Variants in AVEN observed in about 807,000 individuals in gnomAD.
The protein encoded by AVEN is cell death regulator Aven.
In AVEN, 41 loss-of-function variants were observed where a neutral mutation model predicts 38.1. The ratio of observed to expected loss-of-function variants is 1.08; its 90% CI spans 0.84 to 1.40. AVEN has a LOEUF of 1.40. Ranked by LOEUF, AVEN falls within the 40% of genes most tolerant of loss-of-function variation. The pLI is 0.00. For missense variants in AVEN, 605 were observed against 438.8 expected, an observed-to-expected ratio of 1.38 and a Z score of -3.38; for synonymous variants, 206 against 171.8, an observed-to-expected ratio of 1.20 and a Z score of -1.56.
chr15:34,074,595 C>T (rs574211663), exon 1 of AVEN, among the ~76,000 whole-genome samples: 3 of 152,230 alleles, frequency 2.0e-5, no homozygotes, highest in Admixed American at 6.5e-5. Context: ...CCCTGTGTCT[C>T]CTCATATCAT....
chr15:34,074,814 T>C (rs530896771), exon 1 of AVEN, among the ~76,000 whole-genome samples: 1 of 152,264 alleles, frequency 6.6e-6, no homozygotes, highest in South Asian at 2.1e-4. Flanking sequence ...TCCATAATAA[T>C]AACCAAGCAA....
upstream of AVEN, among the ~76,000 whole-genome samples, chr15:34,044,080 G>A (rs368790734): frequency 5.5e-5 from 8 of 144,812 alleles, no homozygotes; most frequent in African/African-American, 1.3e-4. Context: ...CTGTATTTTC[G>A]CCCTTTAAAA....
At chr15:33,955,745 C>T (rs1894929499) in intron 2 of AVEN, among the ~76,000 whole-genome samples, 1 of 152,144 alleles carries the variant, frequency 6.6e-6, no homozygotes, top group East Asian at 1.9e-4. Context: ...AATCTCTCTC[C>T]GAATCAGTTA....
chr15:34,066,036 C>T (rs1390705564), exon 4 of AVEN: 3 of 152,380 alleles, frequency 2.0e-5, no homozygotes, highest in Admixed American at 6.5e-5. Context: ...GGATGTCCCA[C>T]GGAGGCTTCA....
intron 2 of AVEN, among the ~76,000 whole-genome samples, chr15:33,981,229 A>G (rs1344920708): frequency 1.3e-5 from 2 of 152,208 alleles, no homozygotes; most frequent in African/African-American, 4.8e-5. Flanking sequence ...GAAGCGGATG[A>G]ATTTCATTTC....
At position 34,039,034 on chromosome 15, in the gene AVEN, G is replaced by T; in HGVS notation, c.13C>A (p.Arg5=). ...CGCCCACGGCCTCCCCGAGCTCCTC[G>T]CTCCGCCTGCATCTGGCCGCCGCTG... MQAE[R]GARGGRGRRP... Residue 5 remains arginine, a synonymous_variant, in exon 1 of 6, where the codon CGA becomes AGA. Transcript: ENST00000306730. 1 of 1,117,094 alleles carries T rather than the reference G, an allele frequency of 9.0e-7. No individual in the cohort carries two copies. Among genetic ancestry groups the T allele is most frequent in the South Asian group, 3.9e-5 (1 of 25,658 alleles). The allele number at this position is 1,117,094 out of a possible 1,614,324, so 69.2% of individuals were successfully genotyped here.
intron 4 of AVEN, chr15:34,064,414 A>T (rs1567495295): frequency 1.4e-6 from 2 of 1,389,146 alleles, no homozygotes; most frequent in Non-Finnish European, 1.9e-6. Flanking sequence ...AAAAGAAGAC[A>T]TCTCATTTTG....
At chr15:34,045,856 T>C (rs1160601470) in intron 5 of AVEN, among the ~76,000 whole-genome samples, 1 of 152,208 alleles carries the variant, frequency 6.6e-6, no homozygotes, top group Non-Finnish European at 1.5e-5. Flanking sequence ...TGTAATGTAT[T>C]GACAGCAGAG....
intron 2 of AVEN, among the ~76,000 whole-genome samples, chr15:34,000,292 G>A (rs756892267): frequency 6.6e-5 from 10 of 152,174 alleles, no homozygotes; most frequent in Non-Finnish European, 1.5e-4. Context: ...TGAGACAGGT[G>A]TCTATATCTG....
At chr15:33,856,360 G>C (rs952223863), downstream of AVEN, 2 of 152,202 alleles carry the variant, frequency 1.3e-5, no homozygotes, top group African/African-American at 4.8e-5. Flanking sequence ...TGATCCTGTT[G>C]ATCTTCCTAT....
chr15:33,978,468 A>ATG (rs1895990768), intron 2 of AVEN, among the ~76,000 whole-genome samples: 1 of 152,196 alleles, frequency 6.6e-6, no homozygotes, highest in Admixed American at 6.5e-5. Flanking sequence ...GTTCAAAACC[A>ATG]GCCTGATCAA....
intron 5 of AVEN, among the ~76,000 whole-genome samples, chr15:34,053,627 T>C (rs1423774684): frequency 1.3e-5 from 2 of 152,042 alleles, no homozygotes; most frequent in Non-Finnish European, 2.9e-5. Flanking sequence ...GCTAGCTATA[T>C]GCAGAAAATT....
At chr15:33,993,394 C>A (rs1896807903) in intron 2 of AVEN, among the ~76,000 whole-genome samples, 1 of 152,170 alleles carries the variant, frequency 6.6e-6, no homozygotes, top group South Asian at 2.1e-4. Context: ...CAACCGTCCC[C>A]TTTCCCATAT....
intron 2 of AVEN, among the ~76,000 whole-genome samples, chr15:33,889,585 T>C (rs898744020): frequency 5.2e-4 from 18 of 34,514 alleles, no homozygotes; most frequent in African/African-American, 1.8e-3. Flanking sequence ...ACATGAAATA[T>C]GTTTCTGCAC....
downstream of AVEN, chr15:33,865,075 G>A (rs993921315): frequency 3.6e-6 from 5 of 1,397,070 alleles, no homozygotes; most frequent in African/African-American, 7.1e-5. Context: ...AAACAAACTG[G>A]GTTTTAGCTT....
chr15:33,931,349 C>CTTT (rs71119903), intron 2 of AVEN, among the ~76,000 whole-genome samples: 1 of 89,274 alleles, frequency 1.1e-5, no homozygotes, highest in Non-Finnish European at 2.0e-5. Flanking sequence ...TGAATATTTT[C>CTTT]TTTTTTTTTT....
At chr15:34,025,772 T>TG (rs1898437372) in intron 1 of AVEN, among the ~76,000 whole-genome samples, 1 of 151,732 alleles carries the variant, frequency 6.6e-6, no homozygotes, top group African/African-American at 2.4e-5. Flanking sequence ...GTGTGTGTGT[T>TG]TGTGTGTGTG....
chr15:33,907,760 C>T (rs1428205286), intron 2 of AVEN, among the ~76,000 whole-genome samples: 1 of 150,300 alleles, frequency 6.7e-6, no homozygotes, highest in African/African-American at 2.5e-5. Context: ...AATACCCCTG[C>T]TGTCCTAATC....
downstream of AVEN, chr15:33,855,038 A>G (rs2079502338): frequency 8.1e-6 from 8 of 982,498 alleles, no homozygotes; most frequent in South Asian, 2.5e-4. Context: ...TTTCTTGGCC[A>G]AACACTTCAA....
Sources: allele counts gnomAD v4.1 joint callset (sites outside exome capture counted in the v4.1 genomes callset), GRCh38; gene constraint gnomAD v4.1.1; transcripts MANE v1.5; gene names NCBI Gene and HGNC (gene_info 2026-07-23, HGNC 2026-07-21).